The following ARHGAP10 variants were observed in gnomAD, a reference collection of about 807,000 sequenced individuals.
ARHGAP10 encodes the protein Rho GTPase activating protein 10, also known as rho GTPase-activating protein 10.
Under a neutral mutation model 108.6 loss-of-function variants are expected in ARHGAP10, and 87 were observed. That is an observed-to-expected ratio of 0.80 (90% CI 0.67 to 0.96). The LOEUF is 0.96. Among genes scored for constraint, ARHGAP10 ranks in the 40% least tolerant of loss-of-function variants. The pLI is 0.00. For missense variants in ARHGAP10, 939 were observed against 954.5 expected (o/e 0.98, Z 0.21); for synonymous variants, 347 against 341.1 (o/e 1.02, Z -0.19).
chr4:147,924,340 T>A (rs1312866151), intron 13 of ARHGAP10, among the ~76,000 whole-genome samples: 1 of 152,192 alleles, frequency 6.6e-6, no homozygotes, highest in African/African-American at 2.4e-5. Context: ...GTGACTGTTT[T>A]TTTTCAGCCC....
intron 1 of ARHGAP10, among the ~76,000 whole-genome samples, chr4:147,735,650 A>G (rs779602928): frequency 6.6e-6 from 1 of 152,212 alleles, no homozygotes; most frequent in Non-Finnish European, 1.5e-5. Flanking sequence ...CATAATAGCA[A>G]AGAGATGGTT....
At chr4:147,818,060 T>C (rs866844427) in intron 1 of ARHGAP10, among the ~76,000 whole-genome samples, 8 of 152,214 alleles carry the variant, frequency 5.3e-5, no homozygotes, top group Middle Eastern at 3.4e-3. Context: ...ACCAGGGAGT[T>C]GATCCTTTGC....
intron 18 of ARHGAP10, among the ~76,000 whole-genome samples, chr4:147,991,687 T>G (rs1371297070): frequency 6.6e-6 from 1 of 152,176 alleles, no homozygotes; most frequent in Non-Finnish European, 1.5e-5. Flanking sequence ...TTAGGGAATG[T>G]TTTATATCAG....
At chr4:147,930,344 A>C (rs1737628985) in intron 13 of ARHGAP10, among the ~76,000 whole-genome samples, 1 of 152,196 alleles carries the variant, frequency 6.6e-6, no homozygotes, top group Admixed American at 6.5e-5. Flanking sequence ...CTTACTGATT[A>C]ATCATCAATA....
At chr4:147,762,544 T>TTTA (rs1560744354) in intron 1 of ARHGAP10, among the ~76,000 whole-genome samples, 4 of 150,714 alleles carry the variant, frequency 2.7e-5, no homozygotes, top group African/African-American at 9.8e-5. Flanking sequence ...TTATTTATTT[T>TTTA]TTTTGAGACG....
In ARHGAP10 at chr4:147,982,618, C is replaced by T. The variant is rs1394748422; in HGVS notation, c.1716+15779C>T. On this transcript the variant is annotated intron_variant, in intron 18 of 22. Coordinates refer to ENST00000336498, the MANE Select transcript of ARHGAP10 (RefSeq NM_024605.4). Reference sequence around the variant, plus strand: ...GTCTCCCTATGTTGCCCAGGCTGGTCTCGAACTCCTTGGCTCAAGCAGTCC... The same window carrying T: ...GTCTCCCTATGTTGCCCAGGCTGGTTTCGAACTCCTTGGCTCAAGCAGTCC... 3.9e-5 allele frequency among the ~76,000 whole-genome samples: 5 copies of T among 126,776 alleles called. No individual in the cohort carries two copies. The Admixed American group carries it at 4.9e-4, about 12-fold the overall frequency. 83.2% of individuals were successfully genotyped at this position (126,776 alleles called of 152,430 possible). A position where few individuals can be genotyped will look rare whatever the true frequency, so the allele number is the denominator to read the frequency against.
intron 1 of ARHGAP10, among the ~76,000 whole-genome samples, chr4:147,806,728 A>T (rs560623045): frequency 4.1e-4 from 62 of 152,232 alleles, no homozygotes; most frequent in Middle Eastern, 3.4e-3. Context: ...TTGAGACAAG[A>T]TGTCATTCTG....
intron 10 of ARHGAP10, among the ~76,000 whole-genome samples, chr4:147,892,326 G>A (rs1157438138): frequency 1.3e-5 from 2 of 152,178 alleles, no homozygotes; most frequent in Admixed American, 1.3e-4. Context: ...GTTGCCTTCA[G>A]AAGCCCATGC....
At chr4:147,929,481 T>G (rs750956721) in intron 13 of ARHGAP10, among the ~76,000 whole-genome samples, 7 of 152,188 alleles carry the variant, frequency 4.6e-5, no homozygotes, top group Non-Finnish European at 1.0e-4. Context: ...CTGTTTATTT[T>G]TATGTAACCC....
At chr4:147,896,669 T>C (rs896303144) in intron 10 of ARHGAP10, among the ~76,000 whole-genome samples, 8 of 152,116 alleles carry the variant, frequency 5.3e-5, no homozygotes, top group African/African-American at 1.9e-4. Context: ...TTTTCAACTT[T>C]GGATTTAATT....
At chr4:147,994,993 A>G (rs1275109276) in intron 18 of ARHGAP10, among the ~76,000 whole-genome samples, 2 of 152,208 alleles carry the variant, frequency 1.3e-5, no homozygotes, top group East Asian at 1.9e-4. Context: ...GTGTAATCGT[A>G]TTATTCTGTG....
chr4:147,857,502 C>T (rs768447531), intron 4 of ARHGAP10, 51 bp from the exon 5 acceptor site: 4 of 1,373,720 alleles, frequency 2.9e-6, no homozygotes, highest in East Asian at 2.8e-5. Flanking sequence ...GTGGATTAAC[C>T]ATGTGTATCC....
At chr4:148,038,311 T>C (rs1728472110) in intron 19 of ARHGAP10, among the ~76,000 whole-genome samples, 1 of 152,202 alleles carries the variant, frequency 6.6e-6, no homozygotes, top group Non-Finnish European at 1.5e-5. Context: ...TGCCATGTGG[T>C]AGAAATTAGG....
chr4:147,939,690 T>C, intron 13 of ARHGAP10, 135 bp from the exon 14 acceptor site: 1 of 790,012 alleles, frequency 1.3e-6, no homozygotes, highest in Non-Finnish European at 2.1e-6. Context: ...AAACACTTGA[T>C]TTTTTCAAAG....
At position 148,008,001 on chromosome 4, in the gene ARHGAP10, T is replaced by A. The variant is rs542991532; in HGVS notation, c.1717-15262T>A. On this transcript the variant is annotated intron_variant, in intron 18 of 22. Coordinates refer to ENST00000336498, the MANE Select transcript of ARHGAP10 (RefSeq NM_024605.4). The stretch of plus-strand genomic sequence containing the variant: ...CAGGACTGCAGTTGGGTTAGCATCT[T>A]CCTCCTTCTGGATGTGCCCTGTGTT... 5.9e-5 allele frequency among the ~76,000 whole-genome samples: 9 copies of A among 152,270 alleles called. 1 individual carries two copies. In the Middle Eastern group the frequency reaches 0.02, roughly 345 times the overall value.
chr4:147,823,326 A>AG (rs1465023340), intron 3 of ARHGAP10, among the ~76,000 whole-genome samples: 1 of 152,224 alleles, frequency 6.6e-6, no homozygotes, highest in Admixed American at 6.5e-5. Flanking sequence ...GTAGAAACAG[A>AG]GGACAGCTGG....
intron 1 of ARHGAP10, among the ~76,000 whole-genome samples, chr4:147,795,053 A>G (rs899273374): frequency 1.2e-4 from 18 of 152,156 alleles, no homozygotes; most frequent in Non-Finnish European, 4.4e-5. Flanking sequence ...CTTTCTTTGT[A>G]AGGTAGCAGC....
intron 3 of ARHGAP10, among the ~76,000 whole-genome samples, chr4:147,827,065 T>C (rs1378196415): frequency 6.6e-6 from 1 of 152,196 alleles, no homozygotes; most frequent in Non-Finnish European, 1.5e-5. Context: ...AAAATAGTAC[T>C]TTCCTAAGTT....
chr4:148,028,687 C>G (rs1170288332), intron 19 of ARHGAP10, among the ~76,000 whole-genome samples: 1 of 152,190 alleles, frequency 6.6e-6, no homozygotes, highest in Non-Finnish European at 1.5e-5. Flanking sequence ...GAAACTTAAT[C>G]TGACTTAATC....
Sources: gnomAD v4.1 joint callset for allele counts (sites outside exome capture counted in the v4.1 genomes callset) on GRCh38, gnomAD v4.1.1 for gene constraint, MANE v1.5 for transcripts, NCBI Gene and HGNC (gene_info 2026-07-23, HGNC 2026-07-21) for gene names.